The following ZBTB16 variants were observed in gnomAD, a reference collection of about 807,000 sequenced individuals.
The protein encoded by ZBTB16 is zinc finger and BTB domain-containing protein 16.
In ZBTB16, 8 loss-of-function variants were observed where a neutral mutation model predicts 56.8. The ratio of observed to expected loss-of-function variants is 0.14; its 90% CI spans 0.08 to 0.25. The LOEUF (loss-of-function observed/expected upper bound fraction) is 0.25. Ranked by LOEUF, ZBTB16 falls within the 10% of genes least tolerant of loss-of-function variation. ZBTB16 has a pLI of 1.00. For synonymous variants in ZBTB16, 363 were observed against 368.5 expected (o/e 0.98, Z 0.17); for missense variants, 625 against 903.0 (o/e 0.69, Z 3.95).
chr11:114,109,493 G>T (rs1940926021), intron 2 of ZBTB16, among the ~76,000 whole-genome samples: 1 of 152,216 alleles, frequency 6.6e-6, no homozygotes, highest in Non-Finnish European at 1.5e-5. Flanking sequence ...CAAGGCTGGA[G>T]TTGGGGTACA....
intron 2 of ZBTB16, among the ~76,000 whole-genome samples, chr11:114,091,768 C>A (rs1940200484): frequency 6.6e-6 from 1 of 152,078 alleles, no homozygotes. Context: ...CCAGCCCACT[C>A]CCCTTCCCCT....
At chr11:114,102,566 G>A (rs1050081793) in intron 2 of ZBTB16, among the ~76,000 whole-genome samples, 8 of 118,652 alleles carry the variant, frequency 6.7e-5, no homozygotes, top group African/African-American at 2.7e-4. Flanking sequence ...GGCTGCCCCT[G>A]CCCTTCCGCA....
chr11:114,163,589 A>G (rs906883987), intron 3 of ZBTB16, among the ~76,000 whole-genome samples: 2 of 151,966 alleles, frequency 1.3e-5, no homozygotes, highest in African/African-American at 2.4e-5. Flanking sequence ...GGCCAGCTGA[A>G]CCGAGAAAGT....
At chr11:114,221,359 C>T (rs1291971645) in intron 4 of ZBTB16, among the ~76,000 whole-genome samples, 1 of 152,226 alleles carries the variant, frequency 6.6e-6, no homozygotes, top group East Asian at 1.9e-4. Flanking sequence ...TGGGGTCTTT[C>T]ATCCTTTGGG....
chr11:114,076,295 G>T (rs541955224), intron 2 of ZBTB16, among the ~76,000 whole-genome samples: 1 of 152,300 alleles, frequency 6.6e-6, no homozygotes, highest in African/African-American at 2.4e-5. Flanking sequence ...TTGCAAAGCC[G>T]AAGGACTAGA....
intron 2 of ZBTB16, among the ~76,000 whole-genome samples, chr11:114,084,603 G>T (rs975609037): frequency 1.3e-5 from 2 of 152,094 alleles, no homozygotes; most frequent in African/African-American, 4.8e-5. Context: ...GATGAGAGGG[G>T]TGAGAAGGAG....
intron 2 of ZBTB16, among the ~76,000 whole-genome samples, chr11:114,092,707 A>C (rs1427815931): frequency 6.6e-6 from 1 of 152,090 alleles, no homozygotes. Flanking sequence ...CCCATACCTA[A>C]TATATAGGGC....
At chr11:114,236,791 T>C (rs1435312701) in intron 4 of ZBTB16, among the ~76,000 whole-genome samples, 1 of 152,246 alleles carries the variant, frequency 6.6e-6, no homozygotes, top group Non-Finnish European at 1.5e-5. Flanking sequence ...TACTGTGTGT[T>C]GGGGAATATA....
intron 3 of ZBTB16, among the ~76,000 whole-genome samples, chr11:114,163,947 C>T (rs1037505699): frequency 7.2e-5 from 11 of 152,164 alleles, no homozygotes; most frequent in Non-Finnish European, 1.2e-4. Context: ...TGTAGAGCAT[C>T]GAGGCTTTAG....
intron 2 of ZBTB16, among the ~76,000 whole-genome samples, chr11:114,074,220 C>G (rs1939455165): frequency 6.6e-6 from 1 of 152,244 alleles, no homozygotes; most frequent in Admixed American, 6.5e-5. Flanking sequence ...GCCACCCTCA[C>G]CCGGCGTTGT....
intron 3 of ZBTB16, among the ~76,000 whole-genome samples, chr11:114,178,418 C>G (rs766722603): frequency 1.8e-4 from 27 of 152,184 alleles, no homozygotes; most frequent in Non-Finnish European, 3.7e-4. Context: ...AGAGATAATT[C>G]ACTTCTTCAG....
intron 2 of ZBTB16, among the ~76,000 whole-genome samples, chr11:114,102,303 A>G (rs1940639173): frequency 6.6e-6 from 1 of 152,120 alleles, no homozygotes. Flanking sequence ...TTGGCAGCCA[A>G]GTTTGGGTTT....
chr11:114,224,521 CTG>C (rs1944293904), intron 4 of ZBTB16, among the ~76,000 whole-genome samples: 1 of 152,166 alleles, frequency 6.6e-6, no homozygotes, highest in South Asian at 2.1e-4. Context: ...ACAGACGTAT[CTG>C]GAATTCAGAA....
chr11:114,152,216 G>T (rs373766539), intron 2 of ZBTB16, among the ~76,000 whole-genome samples: 4 of 152,212 alleles, frequency 2.6e-5, no homozygotes, highest in East Asian at 3.9e-4. Context: ...GCCTCATGAG[G>T]AAAGGAAATA....
intron 4 of ZBTB16, among the ~76,000 whole-genome samples, chr11:114,213,299 C>T (rs1591787972): frequency 6.6e-6 from 1 of 152,164 alleles, no homozygotes; most frequent in African/African-American, 2.4e-5. Flanking sequence ...TTGTAGGACT[C>T]GCATAAATTC....
At chr11:114,102,450 A>G (rs921720652) in intron 2 of ZBTB16, among the ~76,000 whole-genome samples, 6 of 152,084 alleles carry the variant, frequency 3.9e-5, no homozygotes, top group Admixed American at 2.6e-4. Flanking sequence ...GTCATTCATC[A>G]TCACTCTTCT....
intron 2 of ZBTB16, among the ~76,000 whole-genome samples, chr11:114,092,150 CT>C (rs1940215330): frequency 1.3e-5 from 2 of 152,210 alleles, no homozygotes; most frequent in Admixed American, 6.5e-5. Flanking sequence ...CTTTCACGGC[CT>C]CACTGAAACA....
chr11:114,078,086 A>G (rs1180229923), intron 2 of ZBTB16, among the ~76,000 whole-genome samples: 1 of 152,156 alleles, frequency 6.6e-6, no homozygotes, highest in Non-Finnish European at 1.5e-5. Flanking sequence ...GAGAAGTGTG[A>G]AAGAGCCTGA....
chr11:114,145,358 G>A (rs623944), intron 2 of ZBTB16, among the ~76,000 whole-genome samples: 90,236 of 152,170 alleles, frequency 0.59, 28,505 homozygotes, highest in Middle Eastern at 0.76. Context: ...CATAAAACTT[G>A]TACACAAATG....
Sources: allele counts gnomAD v4.1 joint callset (sites outside exome capture counted in the v4.1 genomes callset), GRCh38; gene constraint gnomAD v4.1.1; transcripts MANE v1.5; gene names NCBI Gene and HGNC (gene_info 2026-07-23, HGNC 2026-07-21).